The following SORCS1 variants were observed in gnomAD, a reference collection of about 807,000 sequenced individuals.
The protein encoded by SORCS1 is sortilin related VPS10 domain containing receptor 1.
SORCS1 carries 60 observed loss-of-function variants against 146.1 expected under a neutral mutation model. The ratio of observed to expected loss-of-function variants is 0.41; its 90% CI spans 0.33 to 0.51. SORCS1 has a LOEUF of 0.51. SORCS1 is among the 20% of genes least tolerant of loss of function. The probability of loss-of-function intolerance (pLI) is 0.21; values close to 1 mark genes in which losing one functional copy is unlikely to be tolerated. For synonymous variants in SORCS1, 637 were observed against 584.0 expected (o/e 1.09, Z -1.31); for missense variants, 1,352 against 1,487.6 (o/e 0.91, Z 1.50).
chr10:106,748,118 C>T (rs1463303874), intron 5 of SORCS1, among the ~76,000 whole-genome samples: 2 of 152,052 alleles, frequency 1.3e-5, no homozygotes, highest in African/African-American at 4.8e-5. Context: ...TTTGATTGCA[C>T]TTCTTTTTAT....
intron 18 of SORCS1, among the ~76,000 whole-genome samples, chr10:106,651,938 C>A (rs1849894621): frequency 1.3e-5 from 2 of 152,138 alleles, no homozygotes; most frequent in Non-Finnish European, 2.9e-5. Context: ...TTTACATTGG[C>A]CTCAGTGCTA....
chr10:106,919,435 T>C (rs1215478198), intron 2 of SORCS1, among the ~76,000 whole-genome samples: 1 of 152,208 alleles, frequency 6.6e-6, no homozygotes, highest in Non-Finnish European at 1.5e-5. Flanking sequence ...GAATATGGTC[T>C]GCCTGGGAAG....
At chr10:107,172,765 T>A in the SORCS1 span, among the ~76,000 whole-genome samples, 1 of 152,198 alleles carries the variant, frequency 6.6e-6, no homozygotes, top group Non-Finnish European at 1.5e-5. Context: ...AAATGTCACA[T>A]AAAGCTAAAT....
intron 4 of SORCS1, among the ~76,000 whole-genome samples, chr10:106,766,558 A>G (rs1442017440): frequency 6.6e-6 from 1 of 152,162 alleles, no homozygotes; most frequent in Non-Finnish European, 1.5e-5. Flanking sequence ...GGAGGGGGCC[A>G]CGACCCATGC....
intron 25 of SORCS1, chr10:106,578,629 C>T (rs1844706291): frequency 2.0e-6 from 2 of 988,904 alleles, no homozygotes; most frequent in Non-Finnish European, 2.4e-6. Flanking sequence ...CACTTCTCTA[C>T]TGGTGTTCCA....
chr10:106,948,969 A>AAG, intron 2 of SORCS1, among the ~76,000 whole-genome samples: 1 of 152,282 alleles, frequency 6.6e-6, no homozygotes, highest in African/African-American at 2.4e-5. Flanking sequence ...TCCAAAAAAA[A>AAG]AAAGAATTTT....
intron 1 of SORCS1, among the ~76,000 whole-genome samples, chr10:106,998,286 T>A (rs1957080630): frequency 6.6e-6 from 1 of 152,214 alleles, no homozygotes; most frequent in African/African-American, 2.4e-5. Flanking sequence ...CTTTGCAGTG[T>A]CAAAATAACA....
intron 6 of SORCS1, among the ~76,000 whole-genome samples, chr10:106,709,801 T>A (rs533983043): frequency 3.9e-5 from 6 of 152,192 alleles, no homozygotes; most frequent in Non-Finnish European, 2.9e-5. Flanking sequence ...TACGTTATTG[T>A]CATTGTTATT....
chr10:106,978,747 G>A (rs1164569469), intron 1 of SORCS1, among the ~76,000 whole-genome samples: 2 of 150,878 alleles, frequency 1.3e-5, no homozygotes, highest in African/African-American at 4.9e-5. Flanking sequence ...GCAGTGAGCT[G>A]AGATAGTGCC....
At chr10:106,628,887 T>C (rs1364868162) in intron 19 of SORCS1, among the ~76,000 whole-genome samples, 2 of 152,204 alleles carry the variant, frequency 1.3e-5, no homozygotes, top group Non-Finnish European at 2.9e-5. Flanking sequence ...AATTTCTTTG[T>C]TTCAACCAAA....
chr10:106,725,403 C>G (rs1245408082), intron 6 of SORCS1, among the ~76,000 whole-genome samples: 3 of 151,092 alleles, frequency 2.0e-5, no homozygotes, highest in Non-Finnish European at 4.4e-5. Context: ...TGCAAAAAAC[C>G]AGCTGGGTGT....
At chr10:106,626,105 C>G (rs1848093942) in intron 19 of SORCS1, among the ~76,000 whole-genome samples, 1 of 151,862 alleles carries the variant, frequency 6.6e-6, no homozygotes, top group Non-Finnish European at 1.5e-5. Flanking sequence ...TTTTTTCAAA[C>G]CCTCTGGTTT....
At chr10:106,804,347 A>AAAATAAAG (rs1947059714) in intron 3 of SORCS1, among the ~76,000 whole-genome samples, 1 of 92,172 alleles carries the variant, frequency 1.1e-5, no homozygotes, top group African/African-American at 3.9e-5. Context: ...AGAAAATAAA[A>AAAATAAAG]TAAAATAAAA....
At chr10:106,956,845 G>C (rs558269194) in intron 1 of SORCS1, among the ~76,000 whole-genome samples, 2 of 152,286 alleles carry the variant, frequency 1.3e-5, no homozygotes, top group African/African-American at 4.8e-5. Context: ...TCTTTCCCTA[G>C]TGGGTTTAGC....
intron 2 of SORCS1, among the ~76,000 whole-genome samples, chr10:106,943,852 C>T (rs1434667171): frequency 1.3e-5 from 2 of 152,026 alleles, no homozygotes; most frequent in African/African-American, 4.8e-5. Flanking sequence ...ACCTCATCCC[C>T]ATCTCCCATT....
chr10:107,034,539 G>C (rs1958803079), intron 1 of SORCS1, among the ~76,000 whole-genome samples: 2 of 151,380 alleles, frequency 1.3e-5, no homozygotes, highest in Non-Finnish European at 2.9e-5. Flanking sequence ...AATTAGCTGG[G>C]TTTAGTGGCA....
intron 2 of SORCS1, among the ~76,000 whole-genome samples, chr10:106,872,541 C>A (rs964101112): frequency 2.6e-5 from 4 of 152,284 alleles, no homozygotes; most frequent in Non-Finnish European, 5.9e-5. Context: ...TCTGGAGTTA[C>A]ACTTGGAAGC....
intron 2 of SORCS1, among the ~76,000 whole-genome samples, chr10:106,902,817 G>A (rs1236321808): frequency 2.0e-5 from 3 of 152,324 alleles, no homozygotes; most frequent in East Asian, 1.9e-4. Context: ...AGTGGCTCAC[G>A]CCTATAATCC....
chr10:106,668,954 T>C (rs1486042403), intron 16 of SORCS1, among the ~76,000 whole-genome samples: 1 of 152,090 alleles, frequency 6.6e-6, no homozygotes, highest in East Asian at 1.9e-4. Context: ...CAGCTACCGG[T>C]AGAACCCCAA....
Sources: gnomAD v4.1 joint callset for allele counts (sites outside exome capture counted in the v4.1 genomes callset) on GRCh38, gnomAD v4.1.1 for gene constraint, MANE v1.5 for transcripts, NCBI Gene and HGNC (gene_info 2026-07-23, HGNC 2026-07-21) for gene names.